The following IL33 variants were observed in gnomAD, a reference collection of about 807,000 sequenced individuals.
IL33 encodes interleukin 33.
In IL33, 37 loss-of-function variants were observed where a neutral mutation model predicts 27.3. That is an observed-to-expected ratio of 1.36 (90% CI 1.04 to 1.78). The LOEUF is 1.78. Ranked by LOEUF, IL33 falls within the 40% of genes most tolerant of loss-of-function variation. The pLI is 0.00. For missense variants in IL33, 406 were observed against 311.4 expected, an observed-to-expected ratio of 1.30 and a Z score of -2.29; for synonymous variants, 132 against 102.9, an observed-to-expected ratio of 1.28 and a Z score of -1.71.
At chr9:6,229,761 C>A (rs909399387) in intron 1 of IL33, among the ~76,000 whole-genome samples, 1 of 152,164 alleles carries the variant, frequency 6.6e-6, no homozygotes, top group Non-Finnish European at 1.5e-5. Context: ...ATGACTAAAG[C>A]ACAACCCTTG....
chr9:6,234,076 G>T (rs1368742514), intron 1 of IL33, among the ~76,000 whole-genome samples: 4 of 152,006 alleles, frequency 2.6e-5, no homozygotes, highest in Non-Finnish European at 5.9e-5. Context: ...TCTCTGTCTG[G>T]TCTTCTTATT....
At position 6,243,839 on chromosome 9, in the gene IL33, G is replaced by A. The variant is rs1436480154; in HGVS notation, c.91+2054G>A. ...ATCTTTAAGGCTAGAAAAGAAAGCA[G>A]AGTTAATATCATTTCTGTCTCATTC... On this transcript the variant is annotated intron_variant, in intron 2 of 7. Transcript: ENST00000682010. 2.6e-5 allele frequency among the ~76,000 whole-genome samples: 4 copies of A among 152,182 alleles called. No homozygotes were observed. In the South Asian group the frequency reaches 6.2e-4, roughly 24 times the overall value.
rs1394051017 is a variant in IL33, at chr9:6,256,276, T to C, written c.*108T>C. ...GACATCTAAGGGAAATGAAGAGTGCTTAGCATGTGTGGAATGTTTTCCATA... is the reference window on the plus strand; with the variant it reads ...GACATCTAAGGGAAATGAAGAGTGCCTAGCATGTGTGGAATGTTTTCCATA... On this transcript the variant is annotated 3_prime_UTR_variant, in exon 8 of 8. Coordinates refer to ENST00000682010, the MANE Select transcript of IL33 (RefSeq NM_033439.4). 3 of 748,726 alleles carry C rather than the reference T, an allele frequency of 4.0e-6. No individual in the cohort carries two copies. The Admixed American group carries it at 7.7e-5, about 19-fold the overall frequency. 46.4% of individuals were successfully genotyped at this position (748,726 alleles called of 1,614,324 possible). A position where few individuals can be genotyped will look rare whatever the true frequency, so the allele number is the denominator to read the frequency against.
intron 2 of IL33, among the ~76,000 whole-genome samples, chr9:6,249,138 T>G (rs77438271): frequency 2.6e-5 from 4 of 152,238 alleles, no homozygotes; most frequent in Non-Finnish European, 5.9e-5. Flanking sequence ...GGTGTGAATA[T>G]AATTAAGTGG....
chr9:6,224,759 G>T (rs997854344), intron 1 of IL33, among the ~76,000 whole-genome samples: 1 of 152,100 alleles, frequency 6.6e-6, no homozygotes, highest in Non-Finnish European at 1.5e-5. Flanking sequence ...GAACAAACAG[G>T]GTGATACATT....
At chr9:6,218,400 A>C (rs1459406696) in intron 1 of IL33, among the ~76,000 whole-genome samples, 1 of 152,074 alleles carries the variant, frequency 6.6e-6, no homozygotes, top group Non-Finnish European at 1.5e-5. Context: ...CAGAACTGAA[A>C]ACAATGGAAG....
intron 1 of IL33, among the ~76,000 whole-genome samples, chr9:6,227,876 C>A (rs1267918266): frequency 6.6e-6 from 1 of 152,138 alleles, no homozygotes; most frequent in African/African-American, 2.4e-5. Context: ...GCTCTGGATG[C>A]AGGGGCTAGG....
At chr9:6,219,227 C>T (rs1161682334) in intron 1 of IL33, among the ~76,000 whole-genome samples, 1 of 151,898 alleles carries the variant, frequency 6.6e-6, no homozygotes, top group Non-Finnish European at 1.5e-5. Context: ...TCAAGAACTT[C>T]AGGAAATCAT....
intron 2 of IL33, among the ~76,000 whole-genome samples, chr9:6,244,873 G>T (rs1288862482): frequency 6.6e-6 from 1 of 152,164 alleles, no homozygotes; most frequent in Non-Finnish European, 1.5e-5. Context: ...ACAAGCCACA[G>T]TTCACAATGC....
intron 1 of IL33, among the ~76,000 whole-genome samples, chr9:6,239,538 C>A (rs1394057659): frequency 3.3e-5 from 5 of 152,138 alleles, no homozygotes; most frequent in Non-Finnish European, 7.4e-5. Context: ...AGTACCCCCT[C>A]CCCACTAGCT....
chr9:6,253,396 C>A (rs377217451), intron 5 of IL33, among the ~76,000 whole-genome samples, 156 bp from the exon 6 acceptor site: 2 of 152,078 alleles, frequency 1.3e-5, no homozygotes, highest in Non-Finnish European at 2.9e-5. Context: ...AGAGCATATT[C>A]GTGCATTTTT....
chr9:6,255,939 A>G, intron 7 of IL33, 29 bp from the exon 8 acceptor site: 1 of 1,590,682 alleles, frequency 6.3e-7, no homozygotes, highest in Non-Finnish European at 8.6e-7. Context: ...CCATTCACAT[A>G]TGGATTGCTT....
chr9:6,237,925 A>G (rs1819325587), intron 1 of IL33, among the ~76,000 whole-genome samples: 1 of 152,210 alleles, frequency 6.6e-6, no homozygotes, highest in African/African-American at 2.4e-5. Context: ...ACTATTTTAT[A>G]TACAACTTAA....
intron 1 of IL33, among the ~76,000 whole-genome samples, chr9:6,233,937 C>G (rs1022716002): frequency 1.3e-5 from 2 of 152,222 alleles, no homozygotes; most frequent in Admixed American, 6.5e-5. Context: ...TCCCACCATA[C>G]TTAAATGACT....
At chr9:6,239,369 C>T (rs1819402309) in intron 1 of IL33, among the ~76,000 whole-genome samples, 1 of 152,058 alleles carries the variant, frequency 6.6e-6, no homozygotes, top group South Asian at 2.1e-4. Context: ...GATTCTATCC[C>T]CAACACGTGC....
chr9:6,240,298 C>A (rs1271344392), intron 1 of IL33, among the ~76,000 whole-genome samples: 2 of 152,096 alleles, frequency 1.3e-5, no homozygotes, highest in African/African-American at 2.4e-5. Context: ...GAAATACATT[C>A]ATTTGGTCCA....
chr9:6,256,292 G>A lies in IL33; in HGVS notation c.*124G>A, dbSNP rs1048274. 223,641 of 656,900 alleles carry A rather than the reference G, an allele frequency of 0.34. 39,517 individuals are homozygous for A. Among genetic ancestry groups the A allele is most frequent in the Admixed American group, 0.49 (16,885 of 34,416 alleles). 40.7% of individuals were successfully genotyped at this position (656,900 alleles called of 1,614,324 possible). A position where few individuals can be genotyped will look rare whatever the true frequency, so the allele number is the denominator to read the frequency against. Reference sequence around the variant, plus strand: ...GAAGAGTGCTTAGCATGTGTGGAATGTTTTCCATATTATGTATAAAAATAT... The same window carrying A: ...GAAGAGTGCTTAGCATGTGTGGAATATTTTCCATATTATGTATAAAAATAT... On this transcript the variant is annotated 3_prime_UTR_variant, in exon 8 of 8. Coordinates refer to ENST00000682010, the MANE Select transcript of IL33 (RefSeq NM_033439.4).
chr9:6,246,426 G>A (rs568917105), intron 2 of IL33, among the ~76,000 whole-genome samples: 8 of 152,158 alleles, frequency 5.3e-5, no homozygotes, highest in African/African-American at 1.2e-4. Context: ...GCTGGGCACC[G>A]TGGCGCACGC....
intron 1 of IL33, among the ~76,000 whole-genome samples, chr9:6,218,899 CAT>C (rs200982905): frequency 0.044 from 988 of 22,634 alleles, 128 homozygotes; most frequent in South Asian, 0.11. Context: ...ATATGTTCTC[CAT>C]ATATATATAT....
Sources: gnomAD v4.1 joint callset for allele counts (sites outside exome capture counted in the v4.1 genomes callset) on GRCh38, gnomAD v4.1.1 for gene constraint, MANE v1.5 for transcripts, NCBI Gene and HGNC (gene_info 2026-07-23, HGNC 2026-07-21) for gene names.